ANO3: variants seen among roughly 807,000 people sequenced by gnomAD.
ANO3 encodes the protein anoctamin 3.
In ANO3, 99 loss-of-function variants were observed where a neutral mutation model predicts 144.8. That is an observed-to-expected ratio of 0.68 (90% CI 0.58 to 0.81). ANO3 has a LOEUF of 0.81. Among genes scored for constraint, ANO3 ranks in the 30% least tolerant of loss-of-function variants. The probability of loss-of-function intolerance (pLI) is 0.00; values close to 1 mark genes in which losing one functional copy is unlikely to be tolerated. For missense variants in ANO3, 905 were observed against 1,202.2 expected, an observed-to-expected ratio of 0.75 and a Z score of 3.66; for synonymous variants, 414 against 392.6, an observed-to-expected ratio of 1.05 and a Z score of -0.64.
intron 1 of ANO3, among the ~76,000 whole-genome samples, chr11:26,340,747 T>C (rs527872903): frequency 9.8e-5 from 15 of 152,372 alleles, no homozygotes; most frequent in Non-Finnish European, 1.5e-4. Context: ...CTTAGTTGTA[T>C]ACATGCATTT....
chr11:26,335,486 T>C (rs1408512637), intron 1 of ANO3, among the ~76,000 whole-genome samples: 2 of 152,146 alleles, frequency 1.3e-5, no homozygotes, highest in African/African-American at 2.4e-5. Flanking sequence ...TGGATGGTTT[T>C]TTAAAATAGT....
At chr11:26,250,153 G>A (rs1250914005) in intron 1 of ANO3, among the ~76,000 whole-genome samples, 1 of 152,184 alleles carries the variant, frequency 6.6e-6, no homozygotes, top group Non-Finnish European at 1.5e-5. Context: ...AACAATAACT[G>A]TCTCTACTAC....
At chr11:26,481,708 G>A (rs1487394028) in intron 4 of ANO3, among the ~76,000 whole-genome samples, 1 of 151,966 alleles carries the variant, frequency 6.6e-6, no homozygotes, top group Non-Finnish European at 1.5e-5. Context: ...TCATAAAAAT[G>A]GACTAAATGA....
chr11:26,251,198 CT>C (rs1170887197), intron 1 of ANO3, among the ~76,000 whole-genome samples: 3 of 151,992 alleles, frequency 2.0e-5, no homozygotes, highest in Non-Finnish European at 2.9e-5. Flanking sequence ...ACACAAAACA[CT>C]TTTTTTTCCA....
Position 26,574,047 on chromosome 11 carries a change from A to C in ANO3, c.1447+14268A>C, listed in dbSNP as rs544593497. On this transcript the variant is annotated intron_variant, in intron 14 of 26. Coordinates refer to ENST00000256737, the MANE Select transcript of ANO3 (RefSeq NM_031418.4). Reference sequence around the variant, plus strand: ...CTTTCTCCAGAGGAACTCCACAATGAGAGATAATTACCTGCAATTTCATCA... The same window carrying C: ...CTTTCTCCAGAGGAACTCCACAATGCGAGATAATTACCTGCAATTTCATCA... Among the ~76,000 whole-genome samples the C allele has an allele frequency of 1.4e-4, 22 of 152,312 alleles. No homozygotes were observed. The South Asian group carries it at 4.6e-3, about 32-fold the overall frequency.
chr11:26,267,237 T>G (rs1276331780), intron 1 of ANO3, among the ~76,000 whole-genome samples: 1 of 152,068 alleles, frequency 6.6e-6, no homozygotes, highest in Non-Finnish European at 1.5e-5. Context: ...AAACTAAATT[T>G]ATCTGACATC....
At chr11:26,255,624 A>AG (rs1853039889) in intron 1 of ANO3, among the ~76,000 whole-genome samples, 1 of 152,122 alleles carries the variant, frequency 6.6e-6, no homozygotes. Context: ...AAAAGATGGG[A>AG]GGGGGGTTTT....
chr11:26,345,853 T>C (rs1193429135), intron 1 of ANO3, among the ~76,000 whole-genome samples: 2 of 152,204 alleles, frequency 1.3e-5, no homozygotes, highest in Non-Finnish European at 2.9e-5. Context: ...ATAGGTACTA[T>C]TAGCTCTGTT....
At chr11:26,619,654 A>T (rs1852357589) in intron 17 of ANO3, among the ~76,000 whole-genome samples, 1 of 152,000 alleles carries the variant, frequency 6.6e-6, no homozygotes, top group Non-Finnish European at 1.5e-5. Flanking sequence ...TTTAGTAGAG[A>T]TAGGGTTTCA....
chr11:26,218,028 A>C (rs10501042), intron 1 of ANO3, among the ~76,000 whole-genome samples: 1 of 152,164 alleles, frequency 6.6e-6, no homozygotes, highest in Non-Finnish European at 1.5e-5. Flanking sequence ...CAGGTCTCCA[A>C]TATTATAAGG....
intron 20 of ANO3, among the ~76,000 whole-genome samples, chr11:26,636,242 G>A (rs1852954738): frequency 6.6e-6 from 1 of 152,000 alleles, no homozygotes; most frequent in East Asian, 1.9e-4. Flanking sequence ...CAGTAATACT[G>A]GTGATTGGTA....
chr11:26,212,204 A>G (rs1851948835), intron 1 of ANO3, among the ~76,000 whole-genome samples: 1 of 151,770 alleles, frequency 6.6e-6, no homozygotes, highest in Non-Finnish European at 1.5e-5. Context: ...ACTTAAAAGA[A>G]AAAAGTATAT....
At chr11:26,483,620 C>A (rs556700192) in intron 4 of ANO3, among the ~76,000 whole-genome samples, 2 of 152,254 alleles carry the variant, frequency 1.3e-5, no homozygotes, top group South Asian at 2.1e-4. Context: ...ATACAGCCTG[C>A]AGAACCATGA....
intron 10 of ANO3, among the ~76,000 whole-genome samples, chr11:26,541,282 A>G (rs562397057): frequency 1.9e-4 from 29 of 151,742 alleles, no homozygotes; most frequent in African/African-American, 5.3e-4. Flanking sequence ...ACATCACACA[A>G]TGGGGCCAGT....
intron 1 of ANO3, among the ~76,000 whole-genome samples, chr11:26,389,854 A>C (rs1451219107): frequency 6.6e-6 from 1 of 152,122 alleles, no homozygotes; most frequent in Non-Finnish European, 1.5e-5. Flanking sequence ...ATTTAAAAGA[A>C]GTTTACAATA....
intron 17 of ANO3, among the ~76,000 whole-genome samples, chr11:26,603,121 A>G (rs1037719569): frequency 6.6e-6 from 1 of 152,192 alleles, no homozygotes; most frequent in African/African-American, 2.4e-5. Flanking sequence ...AGATAAAGAA[A>G]TAATGCTTCC....
intron 1 of ANO3, among the ~76,000 whole-genome samples, chr11:26,230,450 T>C (rs1284712901): frequency 6.6e-6 from 1 of 152,102 alleles, no homozygotes; most frequent in African/African-American, 2.4e-5. Context: ...CAATTTCATA[T>C]TTCATTGGTT....
chr11:26,572,030 C>G (rs914616419), intron 14 of ANO3: 1 of 955,612 alleles, frequency 1.0e-6, no homozygotes, highest in Admixed American at 6.2e-5. Context: ...AGTGACCCAA[C>G]GCACACTTAC....
chr11:26,447,926 A>G (rs757232765), intron 3 of ANO3, among the ~76,000 whole-genome samples: 2 of 152,184 alleles, frequency 1.3e-5, no homozygotes, highest in African/African-American at 4.8e-5. Context: ...TGACAAGGAC[A>G]CAGTAATCCA....
Sources: allele counts gnomAD v4.1 joint callset (sites outside exome capture counted in the v4.1 genomes callset), GRCh38; gene constraint gnomAD v4.1.1; transcripts MANE v1.5; gene names NCBI Gene and HGNC (gene_info 2026-07-23, HGNC 2026-07-21).